Variants in CLRN1 observed in about 807,000 individuals in gnomAD.
CLRN1 encodes clarin 1.
Under a neutral mutation model 18.7 loss-of-function variants are expected in CLRN1, and 15 were observed. That is an observed-to-expected ratio of 0.80 (90% CI 0.54 to 1.23). The LOEUF (loss-of-function observed/expected upper bound fraction) is 1.23, where lower values mean the gene tolerates loss of function less well. CLRN1 is among the 50% of genes most tolerant of loss of function. The probability of loss-of-function intolerance (pLI) is 0.00; values close to 1 mark genes in which losing one functional copy is unlikely to be tolerated. For missense variants in CLRN1, 311 were observed against 277.5 expected, an observed-to-expected ratio of 1.12 and a Z score of -0.86; for synonymous variants, 104 against 102.9, an observed-to-expected ratio of 1.01 and a Z score of -0.07.
Position 150,972,483 on chromosome 3 carries a change from A to G in CLRN1, c.226T>C (p.Leu76=), listed in dbSNP as rs139829306. 4.3e-4 allele frequency: 690 copies of G among 1,614,158 alleles called. No individual in the cohort carries two copies. Among genetic ancestry groups the G allele is most frequent in the Non-Finnish European group, 5.6e-4 (664 of 1,180,022 alleles). ...GAGAACCGAAAGGGCCTTGCTCCCA[A>G]CCCACACTGCCTCACACCCTCTCCG... ...FHGEGVRQCG[L]GARPFRFSFF... is the part of the protein sequence containing the mutation. Residue 76 remains leucine, a synonymous_variant, in exon 1 of 3, where the codon TTG becomes CTG. Transcript: ENST00000327047.
intron 1 of CLRN1, among the ~76,000 whole-genome samples, chr3:150,959,313 C>T (rs535814503): frequency 6.6e-6 from 1 of 152,248 alleles, no homozygotes; most frequent in Admixed American, 6.5e-5. Flanking sequence ...TAATTTGTCT[C>T]ACATGTCAAG....
intron 1 of CLRN1, among the ~76,000 whole-genome samples, chr3:150,948,585 A>G (rs1406113581): frequency 6.6e-6 from 1 of 151,858 alleles, no homozygotes; most frequent in African/African-American, 2.4e-5. Flanking sequence ...GAACACCCAT[A>G]TGCACACAAA....
intron 1 of CLRN1, among the ~76,000 whole-genome samples, chr3:150,948,801 C>G (rs1169667663): frequency 6.6e-6 from 1 of 152,142 alleles, no homozygotes; most frequent in Non-Finnish European, 1.5e-5. Flanking sequence ...TGGTACCATT[C>G]CTACAGAACC....
chr3:150,940,318 G>A (rs1456354871), intron 2 of CLRN1, among the ~76,000 whole-genome samples: 1 of 152,184 alleles, frequency 6.6e-6, no homozygotes, highest in Non-Finnish European at 1.5e-5. Flanking sequence ...GATGGGGTGA[G>A]ACCCTAAGCA....
chr3:150,945,026 G>A (rs1415353753), intron 1 of CLRN1, among the ~76,000 whole-genome samples: 2 of 152,194 alleles, frequency 1.3e-5, no homozygotes, highest in African/African-American at 4.8e-5. Flanking sequence ...AGGCAAACAA[G>A]GTGCCTAGGG....
At chr3:150,963,217 C>T (rs1576645234) in intron 1 of CLRN1, among the ~76,000 whole-genome samples, 1 of 152,208 alleles carries the variant, frequency 6.6e-6, no homozygotes, top group Non-Finnish European at 1.5e-5. Flanking sequence ...TCGGCAAAGT[C>T]TCAGGATACA....
At chr3:150,944,001 C>T (rs1308983908) in intron 1 of CLRN1, 8 of 1,203,000 alleles carry the variant, frequency 6.7e-6, no homozygotes, top group Non-Finnish European at 9.6e-6. Context: ...CCTGCATCAA[C>T]AACAAGATAG....
intron 2 of CLRN1, among the ~76,000 whole-genome samples, chr3:150,939,393 T>C (rs1317307878): frequency 6.6e-6 from 1 of 152,208 alleles, no homozygotes; most frequent in South Asian, 2.1e-4. Flanking sequence ...CCAAACTCTT[T>C]TGTTGGTTCC....
intron 2 of CLRN1, among the ~76,000 whole-genome samples, chr3:150,933,407 C>A (rs1219517199): frequency 6.6e-6 from 1 of 151,856 alleles, no homozygotes; most frequent in Non-Finnish European, 1.5e-5. Flanking sequence ...CAGGGGAGGC[C>A]TCATAGGGAA....
In CLRN1 at chr3:150,935,606, C is replaced by A. The variant is rs573349573; in HGVS notation, c.433+5976G>T. On this transcript the variant is annotated intron_variant, in intron 2 of 2. Coordinates refer to ENST00000327047, the MANE Select transcript of CLRN1 (RefSeq NM_174878.3). ...TGTGAATAGTGCCGCAATAAACATA[C>A]ATGTGCATGTGTCTTTATAGCAGCA... Among the ~76,000 whole-genome samples, 48 of 149,590 alleles carry A rather than the reference C, an allele frequency of 3.2e-4. 1 individual carries two copies. The East Asian group carries it at 8.6e-3, about 27-fold the overall frequency.
At chr3:150,970,437 G>A (rs1451956517) in intron 1 of CLRN1, among the ~76,000 whole-genome samples, 3 of 151,966 alleles carry the variant, frequency 2.0e-5, no homozygotes, top group Non-Finnish European at 2.9e-5. Context: ...TATCCTCTTT[G>A]GGGAGTCCAT....
intron 1 of CLRN1, among the ~76,000 whole-genome samples, chr3:150,958,461 A>G (rs146866959): frequency 3.3e-5 from 5 of 152,282 alleles, no homozygotes; most frequent in Middle Eastern, 6.8e-3. Context: ...TGCCTACAAG[A>G]TAGACTTAAC....
At chr3:150,942,282 A>T (rs1467523342) in intron 1 of CLRN1, among the ~76,000 whole-genome samples, 1 of 152,252 alleles carries the variant, frequency 6.6e-6, no homozygotes, top group Non-Finnish European at 1.5e-5. Context: ...TTAATGTAGC[A>T]CAAAGCTGTG....
chr3:150,943,799 TG>T, intron 1 of CLRN1: 1 of 1,614,060 alleles, frequency 6.2e-7, no homozygotes, highest in Non-Finnish European at 8.5e-7. Context: ...TCTGGGGCCC[TG>T]GGGTTGCAGG....
chr3:150,955,377 A>G (rs1257641532), intron 1 of CLRN1, among the ~76,000 whole-genome samples: 2 of 152,214 alleles, frequency 1.3e-5, no homozygotes, highest in Non-Finnish European at 2.9e-5. Context: ...AGAAGGATGA[A>G]TTTTACTGTA....
rs1336204286 is a variant in CLRN1, at chr3:150,927,510, G to C, written c.*426C>G. The C allele has an allele frequency of 2.2e-6, 1 of 454,600 alleles. No homozygotes were observed. The highest frequency in any genetic ancestry group is 4.4e-6 in the Non-Finnish European group (1 of 227,414). The allele number at this position is 454,600 out of a possible 1,614,324, so 28.2% of individuals were successfully genotyped here. On this transcript the variant is annotated 3_prime_UTR_variant, in exon 3 of 3. Coordinates refer to ENST00000327047, the MANE Select transcript of CLRN1 (RefSeq NM_174878.3). ...TTTAATACACTACTGTTTTAGGAAA[G>C]CGATTGCAGCTCAGTTTTCTGAAAT...
At chr3:150,928,545 T>C (rs1052546016) in intron 2 of CLRN1, among the ~76,000 whole-genome samples, 1 of 152,180 alleles carries the variant, frequency 6.6e-6, no homozygotes, top group Non-Finnish European at 1.5e-5. Context: ...AAAGGCATAA[T>C]GGTGGAATCA....
In CLRN1 at chr3:150,950,363, G is replaced by C. The variant is rs576849826; in HGVS notation, c.254-8602C>G. Among the ~76,000 whole-genome samples, 3 of 152,306 alleles carry C rather than the reference G, an allele frequency of 2.0e-5. No homozygotes were observed. In the East Asian group the frequency reaches 5.8e-4, roughly 29 times the overall value. On this transcript the variant is annotated intron_variant, in intron 1 of 2. Coordinates refer to ENST00000327047, the MANE Select transcript of CLRN1 (RefSeq NM_174878.3). ...TGCATGGTAAAAGAAACAATCAAAA[G>C]AGTAAGCAGACAACCTACAGAATGG...
chr3:150,927,416 C>T lies in CLRN1; in HGVS notation c.*520G>A, dbSNP rs759946624. ...CTGGAATTACAGGTGTGAGTCACCA[C>T]GCCTGGCCTAAGAGTATACTTTAAA... On this transcript the variant is annotated 3_prime_UTR_variant, in exon 3 of 3. Transcript: ENST00000327047. The T allele has an allele frequency of 6.4e-5, 29 of 450,042 alleles. No individual in the cohort carries two copies. The highest frequency in any genetic ancestry group is 1.7e-4 in the South Asian group (11 of 63,314). The allele number at this position is 450,042 out of a possible 1,614,324, so 27.9% of individuals were successfully genotyped here. A position where few individuals can be genotyped will look rare whatever the true frequency, so the allele number is the denominator to read the frequency against.
Sources: allele counts gnomAD v4.1 joint callset (sites outside exome capture counted in the v4.1 genomes callset), GRCh38; gene constraint gnomAD v4.1.1; transcripts MANE v1.5; gene names NCBI Gene and HGNC (gene_info 2026-07-23, HGNC 2026-07-21).